The following ATPAF1 variants were observed in gnomAD, a reference collection of about 807,000 sequenced individuals.
ATPAF1 encodes homolog of yeast ATP11.
In ATPAF1, 26 loss-of-function variants were observed where a neutral mutation model predicts 43.9. That is an observed-to-expected ratio of 0.59 (90% CI 0.43 to 0.82). ATPAF1 has a LOEUF of 0.82. ATPAF1 is among the 40% of genes least tolerant of loss of function. The probability of loss-of-function intolerance (pLI) is 0.00; values close to 1 mark genes in which losing one functional copy is unlikely to be tolerated. For synonymous variants in ATPAF1, 157 were observed against 168.0 expected, an observed-to-expected ratio of 0.93 and a Z score of 0.50; for missense variants, 366 against 435.0, an observed-to-expected ratio of 0.84 and a Z score of 1.41.
chr1:46,635,765 C>G (rs749708465), exon 9 of ATPAF1: 3 of 1,609,042 alleles, frequency 1.9e-6, no homozygotes, highest in African/African-American at 2.7e-5. Context: ...GAAGGGCCAA[C>G]CTGTACAGTT....
chr1:46,666,134 G>C (rs1332460330), intron 1 of ATPAF1: 1 of 188,414 alleles, frequency 5.3e-6, no homozygotes, highest in Non-Finnish European at 1.1e-5. Flanking sequence ...CTATCCCTCT[G>C]GTGGACTTTC....
At chr1:46,652,627 G>T in exon 6 of ATPAF1, 2 of 1,612,688 alleles carry the variant, frequency 1.2e-6, no homozygotes, top group Non-Finnish European at 1.7e-6. Flanking sequence ...AAACTTTTCT[G>T]CCTGTAGGTT....
intron 1 of ATPAF1, chr1:46,665,603 C>T (rs552294533): frequency 6.9e-7 from 1 of 1,450,458 alleles, no homozygotes. Flanking sequence ...CTTTTGCAGG[C>T]TGTTCCCTAG....
In ATPAF1 at chr1:46,668,146, G is replaced by GC; in HGVS notation, c.176dup (p.Ala60ArgfsTer37). 5 of 1,397,736 alleles carry GC rather than the reference G, an allele frequency of 3.6e-6. No homozygotes were observed. The highest frequency in any genetic ancestry group is 1.6e-5 in the South Asian group (1 of 63,250). The allele number at this position is 1,397,736 out of a possible 1,614,324, so 86.6% of individuals were successfully genotyped here. On this transcript the variant is annotated frameshift_variant, in exon 1 of 9. Coordinates refer to ENST00000574428, the Ensembl canonical transcript of ATPAF1. LOFTEE classifies it high-confidence loss of function. The surrounding 1 kb of genome is among the most constrained non-coding windows in gnomAD (Gnocchi z 4.4). Reference sequence around the variant, plus strand: ...CGGCCCCGACCCCGCTGCTGTCGGCGCCCCCCTCGGGCCGGCCCGAGCCGG... The same window carrying GC: ...CGGCCCCGACCCCGCTGCTGTCGGCGCCCCCCCTCGGGCCGGCCCGAGCCGG...
downstream of ATPAF1, chr1:46,634,966 G>C (rs1675809697): frequency 6.6e-6 from 1 of 152,442 alleles, no homozygotes; most frequent in Non-Finnish European, 1.5e-5. Flanking sequence ...CATCCAATCT[G>C]GGAACATTTG....
chr1:46,650,487 G>A (rs1328028120), intron 6 of ATPAF1, among the ~76,000 whole-genome samples: 1 of 152,002 alleles, frequency 6.6e-6, no homozygotes, highest in Non-Finnish European at 1.5e-5. Flanking sequence ...ACTAAAAAGA[G>A]AACTACCACA....
chr1:46,668,459 G>C (rs1346922871), upstream of ATPAF1: 19 of 1,108,084 alleles, frequency 1.7e-5, no homozygotes, highest in Middle Eastern at 3.7e-4. This position sits in a 1 kb window ranked among gnomAD's most constrained non-coding sequence, Gnocchi z 4.4. Flanking sequence ...TCCGGGCGCG[G>C]GATAGCGGCG....
rs755783775 is a variant in ATPAF1, at chr1:46,645,186, TG to T, written c.658del (p.His220ThrfsTer6). 6.2e-7 allele frequency: 1 copy of T among 1,613,842 alleles called. No homozygotes were observed. The highest frequency in any genetic ancestry group is 8.5e-7 in the Non-Finnish European group (1 of 1,179,778). ...CTGAATATTTATAAGTGCAGTGAAG[TG>T]GAGTTCAGTACCTGTCCATTGTCCT... On this transcript the variant is annotated frameshift_variant, in exon 7 of 9. Transcript: ENST00000574428. LOFTEE classifies it high-confidence loss of function.
chr1:46,667,991 G>A, intron 1 of ATPAF1, 66 bp downstream of exon 1: 5 of 1,268,254 alleles, frequency 3.9e-6, no homozygotes, highest in South Asian at 4.3e-5. Context: ...GCTGTCCTAA[G>A]GCCCAGCAGC....
intron 8 of ATPAF1, among the ~76,000 whole-genome samples, chr1:46,637,219 G>C (rs1024085479): frequency 6.6e-6 from 1 of 152,052 alleles, no homozygotes; most frequent in African/African-American, 2.4e-5. Flanking sequence ...CTACATGACA[G>C]AGGCAGAGAA....
chr1:46,636,906 C>T (rs1367009614), intron 8 of ATPAF1, among the ~76,000 whole-genome samples: 1 of 152,150 alleles, frequency 6.6e-6, no homozygotes, highest in African/African-American at 2.4e-5. Flanking sequence ...GACATGAGGC[C>T]TCTGCCAAGA....
intron 2 of ATPAF1, among the ~76,000 whole-genome samples, chr1:46,663,292 ATACCCAGTAATG>A (rs1210528733): frequency 6.6e-6 from 1 of 152,226 alleles, no homozygotes; most frequent in Non-Finnish European, 1.5e-5. Flanking sequence ...CTTTGGGTAT[ATACCCAGTAATG>A]GGATGGCTGG....
At chr1:46,636,899 A>G (rs1414011010) in intron 8 of ATPAF1, among the ~76,000 whole-genome samples, 2 of 152,204 alleles carry the variant, frequency 1.3e-5, no homozygotes, top group Non-Finnish European at 2.9e-5. Context: ...CGACAAAGAC[A>G]TGAGGCCTCT....
At chr1:46,666,715 TAG>T (rs1676497019) in intron 1 of ATPAF1, among the ~76,000 whole-genome samples, 1 of 152,132 alleles carries the variant, frequency 6.6e-6, no homozygotes, top group Admixed American at 6.5e-5. Flanking sequence ...CAGATAAAAC[TAG>T]AGAGAGACTG....
intron 6 of ATPAF1, among the ~76,000 whole-genome samples, chr1:46,649,007 C>T (rs1676110821): frequency 6.6e-6 from 1 of 151,620 alleles, no homozygotes; most frequent in Non-Finnish European, 1.5e-5. Flanking sequence ...GCTAAAAATA[C>T]AAAAATTAGC....
At chr1:46,638,949 T>C (rs1675896758) in intron 8 of ATPAF1, among the ~76,000 whole-genome samples, 2 of 152,334 alleles carry the variant, frequency 1.3e-5, no homozygotes, top group South Asian at 4.1e-4. Context: ...TACATATTCC[T>C]GGGGTCATTC....
chr1:46,668,305 C>T lies in ATPAF1; in HGVS notation c.18G>A (p.Val6=). Reference sequence around the variant, plus strand: ...CCGGTCCCGCGCCACCCGCAGCCGCCACCACCACAGCAGCCATGGCCGCCC... The same window carrying T: ...CCGGTCCCGCGCCACCCGCAGCCGCTACCACCACAGCAGCCATGGCCGCCC... The change falls in exon 1 of 9, where the codon GTG becomes GTA. Residue 6 remains valine (V), a synonymous_variant. Transcript: ENST00000574428. The surrounding 1 kb of genome is among the most constrained non-coding windows in gnomAD (Gnocchi z 4.4). 7.2e-7 allele frequency: 1 copy of T among 1,383,016 alleles called. No homozygotes were observed. Among genetic ancestry groups the T allele is most frequent in the Non-Finnish European group, 9.4e-7 (1 of 1,063,764 alleles). 85.7% of individuals were successfully genotyped at this position (1,383,016 alleles called of 1,614,324 possible).
rs183080742 is a variant in ATPAF1, at chr1:46,661,277, G to A, written c.376-2540C>T. 1.5e-3 allele frequency among the ~76,000 whole-genome samples: 226 copies of A among 152,112 alleles called. 1 individual carries two copies. Among genetic ancestry groups the A allele is most frequent in the African/African-American group, 5.4e-3 (222 of 41,488 alleles). ...ATTTTAGTAGAGACGGGGTTTCACC[G>A]TGTTGCCCAGGCTGGTCTCGAACTC... On this transcript the variant is annotated intron_variant, in intron 2 of 8. Transcript: ENST00000574428.
exon 4 of ATPAF1, chr1:46,658,136 T>C (rs1450732966): frequency 6.2e-7 from 1 of 1,612,122 alleles, no homozygotes; most frequent in Non-Finnish European, 8.5e-7. Context: ...CCTGTTTTAT[T>C]TCTTCTGCAG....
Sources: gnomAD v4.1 joint callset for allele counts (sites outside exome capture counted in the v4.1 genomes callset) on GRCh38, gnomAD v4.1.1 for gene constraint, Gnocchi (gnomAD v3.1) non-coding constraint, MANE v1.5 for transcripts, NCBI Gene and HGNC (gene_info 2026-07-23, HGNC 2026-07-21) for gene names.